MORC1: variants seen among roughly 807,000 people sequenced by gnomAD.
The protein encoded by MORC1 is MORC family CW-type zinc finger protein 1.
MORC1 carries 59 observed loss-of-function variants against 134.9 expected under a neutral mutation model. The ratio of observed to expected loss-of-function variants is 0.44; its 90% confidence interval spans 0.35 to 0.54. The LOEUF (loss-of-function observed/expected upper bound fraction) is 0.54. Ranked by LOEUF, MORC1 falls within the 20% of genes least tolerant of loss-of-function variation. MORC1 has a pLI of 0.00. For synonymous variants in MORC1, 395 were observed against 391.7 expected (o/e 1.01, Z -0.10); for missense variants, 947 against 1,134.5 (o/e 0.83, Z 2.37).
At chr3:108,998,363 T>C (rs1472599042) in intron 21 of MORC1, among the ~76,000 whole-genome samples, 5 of 152,218 alleles carry the variant, frequency 3.3e-5, no homozygotes, top group African/African-American at 1.2e-4. Context: ...GAATATACCA[T>C]ATTTCTTAGT....
At chr3:109,014,485 A>G (rs1948769884) in intron 17 of MORC1, among the ~76,000 whole-genome samples, 1 of 152,190 alleles carries the variant, frequency 6.6e-6, no homozygotes, top group Admixed American at 6.5e-5. Context: ...TACTTGTGGG[A>G]GCTTATTACA....
chr3:109,054,860 T>C lies in MORC1; in HGVS notation c.1198A>G (p.Ile400Val). The C allele has an allele frequency of 6.2e-7, 1 of 1,602,274 alleles. No individual in the cohort carries two copies. The highest frequency in any genetic ancestry group is 8.5e-7 in the Non-Finnish European group (1 of 1,177,366). The change falls in exon 14 of 28, where the codon ATT becomes GTT. Residue 400 changes from isoleucine (I) to valine (V), a missense_variant. Ile to Val is a conservative substitution (Grantham distance 29). Transcript: ENST00000232603. The part of the protein sequence containing the change: ...KSLLGAGVVG[I>V]VNIPLEVMEP... ...ATGACCTCCAAGGGTATATTAACAA[T>C]TCCAACCACGCCTGCGCCAAGTCTG...
intron 21 of MORC1, among the ~76,000 whole-genome samples, chr3:108,996,286 G>GCGCGCGCGCGCACACACACACA: frequency 4.8e-5 from 7 of 146,382 alleles, no homozygotes; most frequent in African/African-American, 1.5e-4. Context: ...GCGCGCGCGC[G>GCGCGCGCGCGCACACACACACA]CACACACACA....
In MORC1 at chr3:108,997,484, G is replaced by A. The variant is rs150669017; in HGVS notation, c.2187+3073C>T. 4.0e-3 allele frequency among the ~76,000 whole-genome samples: 604 copies of A among 152,020 alleles called. 4 individuals carry two copies. Among genetic ancestry groups the A allele is most frequent in the African/African-American group, 0.014 (572 of 41,462 alleles). ...GATTGTGCCACTGCACTCCAGCCTG[G>A]GTGACACAGGGAGACTCTGTCTCAA... On this transcript the variant is annotated intron_variant, in intron 21 of 27. Coordinates refer to ENST00000232603, the MANE Select transcript of MORC1 (RefSeq NM_014429.4).
chr3:109,023,199 CAAACAAAGGCCTGCAGAG>C (rs1559899954), intron 17 of MORC1, among the ~76,000 whole-genome samples: 1 of 151,922 alleles, frequency 6.6e-6, no homozygotes, highest in Non-Finnish European at 1.5e-5. Flanking sequence ...CAAGAATGCA[CAAACAAAGGCCTGCAGAG>C]CCACATGGAA....
At chr3:109,096,402 C>T (rs9847135) in intron 6 of MORC1, among the ~76,000 whole-genome samples, 30,899 of 151,996 alleles carry the variant, frequency 0.2, 3,510 homozygotes, top group Middle Eastern at 0.33. Context: ...CTGGCCAAAT[C>T]CCACCAAAAC....
At chr3:109,112,250 T>C (rs1951182967) in intron 2 of MORC1, among the ~76,000 whole-genome samples, 1 of 152,214 alleles carries the variant, frequency 6.6e-6, no homozygotes, top group African/African-American at 2.4e-5. Context: ...AGCTATTGTA[T>C]TAGGAAGAGG....
intron 21 of MORC1, among the ~76,000 whole-genome samples, chr3:108,999,996 C>T (rs1318112836): frequency 6.6e-6 from 1 of 152,082 alleles, no homozygotes; most frequent in Non-Finnish European, 1.5e-5. Context: ...GCTTTTTACA[C>T]TTGGTTCAGT....
At chr3:109,075,246 G>A (rs535204688) in intron 8 of MORC1, among the ~76,000 whole-genome samples, 30 of 152,250 alleles carry the variant, frequency 2.0e-4, no homozygotes, top group African/African-American at 6.0e-4. Context: ...CAGGCTAGTA[G>A]ACTAAGAATA....
intron 12 of MORC1, among the ~76,000 whole-genome samples, chr3:109,057,893 A>G (rs1324720808): frequency 6.6e-6 from 1 of 152,224 alleles, no homozygotes; most frequent in African/African-American, 2.4e-5. Flanking sequence ...GTCTCCAGAT[A>G]TCCTACATAG....
chr3:109,054,720 A>G lies in MORC1; in HGVS notation c.1330+8T>C. 1.3e-6 allele frequency: 2 copies of G among 1,531,520 alleles called. No homozygotes were observed. Among genetic ancestry groups the G allele is most frequent in the East Asian group, 4.9e-5 (2 of 41,206 alleles). The allele number at this position is 1,531,520 out of a possible 1,614,324, so 94.9% of individuals were successfully genotyped here. Reference sequence around the variant, plus strand: ...AAGTATCTCCTACTATGACTATTGAATACTCACTGATGCCGGTGTCCTTAC... The same window carrying G: ...AAGTATCTCCTACTATGACTATTGAGTACTCACTGATGCCGGTGTCCTTAC... On this transcript the variant is annotated splice_region_variant and intron_variant, in intron 14 of 27. Transcript: ENST00000232603.
intron 9 of MORC1, 65 bp downstream of exon 9, chr3:109,069,567 T>C (rs1489261266): frequency 4.2e-5 from 60 of 1,443,518 alleles, no homozygotes; most frequent in African/African-American, 1.4e-5. Flanking sequence ...CTTTGACAAC[T>C]TTGGGGAGCA....
At chr3:109,009,623 C>T (rs1392296712) in intron 17 of MORC1, among the ~76,000 whole-genome samples, 1 of 152,154 alleles carries the variant, frequency 6.6e-6, no homozygotes, top group African/African-American at 2.4e-5. Context: ...TACTTCATCA[C>T]CTGAAGCTGA....
chr3:109,021,576 G>A (rs1008265602), intron 17 of MORC1, among the ~76,000 whole-genome samples: 1 of 152,206 alleles, frequency 6.6e-6, no homozygotes, highest in Non-Finnish European at 1.5e-5. Context: ...AGACAACAAT[G>A]GATGGCATTC....
At chr3:109,112,776 CT>C (rs1197622637) in intron 2 of MORC1, among the ~76,000 whole-genome samples, 2 of 152,158 alleles carry the variant, frequency 1.3e-5, no homozygotes, top group East Asian at 3.9e-4. Flanking sequence ...CCTTCCTTTT[CT>C]TTATAAACAC....
At chr3:109,085,887 T>C (rs778399437) in intron 8 of MORC1, among the ~76,000 whole-genome samples, 6 of 152,096 alleles carry the variant, frequency 3.9e-5, no homozygotes, top group Non-Finnish European at 7.4e-5. Context: ...GTTGTACATA[T>C]ACACAACAGA....
At chr3:109,048,930 A>G (rs1212568334) in intron 14 of MORC1, among the ~76,000 whole-genome samples, 1 of 152,172 alleles carries the variant, frequency 6.6e-6, no homozygotes, top group Non-Finnish European at 1.5e-5. Context: ...TGAAAGGAAT[A>G]CAATTCAGCC....
chr3:109,002,802 T>C (rs977545407), intron 20 of MORC1, among the ~76,000 whole-genome samples: 6 of 152,186 alleles, frequency 3.9e-5, no homozygotes, highest in African/African-American at 1.4e-4. Context: ...TCCCATTACT[T>C]ATAGGATAAA....
chr3:109,051,594 T>C (rs537445507), intron 14 of MORC1, among the ~76,000 whole-genome samples: 4 of 152,176 alleles, frequency 2.6e-5, no homozygotes, highest in Non-Finnish European at 4.4e-5. Context: ...ACCTTCCTTC[T>C]AGAGGAACAT....
Sources: gnomAD v4.1 joint callset for allele counts (sites outside exome capture counted in the v4.1 genomes callset) on GRCh38, gnomAD v4.1.1 for gene constraint, MANE v1.5 for transcripts, NCBI Gene and HGNC (gene_info 2026-07-23, HGNC 2026-07-21) for gene names.